RARB: variants seen among roughly 807,000 people sequenced by gnomAD.
RARB encodes the protein HBV-activated protein.
In RARB, 17 loss-of-function variants were observed where a neutral mutation model predicts 51.9. The ratio of observed to expected loss-of-function variants is 0.33; its 90% CI spans 0.22 to 0.49. RARB has a LOEUF of 0.49. Ranked by LOEUF, RARB falls within the 20% of genes least tolerant of loss-of-function variation. The probability of loss-of-function intolerance (pLI) is 0.99; values close to 1 mark genes in which losing one functional copy is unlikely to be tolerated. For missense variants in RARB, 369 were observed against 550.8 expected, an observed-to-expected ratio of 0.67 and a Z score of 3.30; for synonymous variants, 215 against 195.4, an observed-to-expected ratio of 1.10 and a Z score of -0.84.
chr3:24,845,249 G>C (rs1702472179), intron 1 of RARB, among the ~76,000 whole-genome samples: 1 of 152,172 alleles, frequency 6.6e-6, no homozygotes, highest in African/African-American at 2.4e-5. Flanking sequence ...GCTAATACTA[G>C]CTATGGTATC....
chr3:25,225,257 GTTAA>G (rs1270471959), intron 5 of RARB, among the ~76,000 whole-genome samples: 3 of 152,128 alleles, frequency 2.0e-5, no homozygotes, highest in Admixed American at 6.5e-5. Context: ...AATGTGGAAA[GTTAA>G]TTAAAGAAGA....
At chr3:25,148,103 G>T (rs1157538466) in intron 4 of RARB, among the ~76,000 whole-genome samples, 1 of 152,116 alleles carries the variant, frequency 6.6e-6, no homozygotes, top group Admixed American at 6.5e-5. Context: ...GTTACTTGTA[G>T]CCAAAAAGAG....
chr3:25,287,216 TGTCGC>T (rs1018691271), intron 5 of RARB, among the ~76,000 whole-genome samples: 112 of 152,316 alleles, frequency 7.4e-4, no homozygotes, highest in Non-Finnish European at 1.3e-3. Context: ...TGAACTCTGG[TGTCGC>T]TCCCTTTCCA....
chr3:25,277,023 T>G (rs1176046617), intron 5 of RARB, among the ~76,000 whole-genome samples: 1 of 152,056 alleles, frequency 6.6e-6, no homozygotes, highest in East Asian at 1.9e-4. Flanking sequence ...CTTGGATGAT[T>G]AAAAGAAATA....
chr3:25,501,632 C>A (rs1213342896), intron 3 of RARB, among the ~76,000 whole-genome samples: 1 of 152,156 alleles, frequency 6.6e-6, no homozygotes, highest in Non-Finnish European at 1.5e-5. Context: ...ACGGTGACTC[C>A]ATTTCCCCTA....
chr3:25,580,339 A>G (rs908028450), intron 4 of RARB, among the ~76,000 whole-genome samples: 2 of 152,178 alleles, frequency 1.3e-5, no homozygotes, highest in Non-Finnish European at 2.9e-5. Flanking sequence ...GTGCTACTGC[A>G]CTCCAGCCTG....
At chr3:25,463,612 G>T (rs542736422) in intron 2 of RARB, among the ~76,000 whole-genome samples, 5 of 151,426 alleles carry the variant, frequency 3.3e-5, no homozygotes, top group African/African-American at 1.2e-4. Flanking sequence ...GCAGTAAGCC[G>T]AGATCGCGCC....
intron 5 of RARB, among the ~76,000 whole-genome samples, chr3:25,225,277 A>G (rs931644435): frequency 2.0e-5 from 3 of 149,976 alleles, no homozygotes; most frequent in African/African-American, 4.9e-5. Flanking sequence ...GAAGACTTCA[A>G]GAAGAGGTGA....
At chr3:25,222,186 C>T (rs1701962233) in intron 5 of RARB, among the ~76,000 whole-genome samples, 2 of 152,170 alleles carry the variant, frequency 1.3e-5, no homozygotes, top group South Asian at 4.1e-4. Context: ...GTGCAGAAAG[C>T]ATCGAGGGGC....
At chr3:25,592,236 G>A (rs1416723058) in intron 5 of RARB, among the ~76,000 whole-genome samples, 2 of 152,188 alleles carry the variant, frequency 1.3e-5, no homozygotes, top group Non-Finnish European at 2.9e-5. Flanking sequence ...GATCACATCT[G>A]CCCTCCTGTA....
chr3:25,203,897 A>G (rs912175349), intron 5 of RARB, among the ~76,000 whole-genome samples: 10 of 152,050 alleles, frequency 6.6e-5, no homozygotes, highest in African/African-American at 2.2e-4. Context: ...GAATCTGACA[A>G]TTATGTGTCT....
intron 5 of RARB, among the ~76,000 whole-genome samples, chr3:25,242,135 T>A (rs1389111138): frequency 6.6e-6 from 1 of 152,136 alleles, no homozygotes; most frequent in African/African-American, 2.4e-5. Flanking sequence ...TTCATATCCT[T>A]CCCCCACTTT....
intron 5 of RARB, among the ~76,000 whole-genome samples, chr3:25,211,894 C>G (rs1471688109): frequency 1.3e-5 from 2 of 152,134 alleles, no homozygotes; most frequent in Non-Finnish European, 2.9e-5. Context: ...TTTTCTTTTT[C>G]TCTTCTTTCG....
intron 2 of RARB, among the ~76,000 whole-genome samples, chr3:24,997,292 G>A (rs1178919681): frequency 6.6e-6 from 1 of 151,564 alleles, no homozygotes; most frequent in South Asian, 2.1e-4. Context: ...GTCCATTTTG[G>A]TTTCTGTTTG....
intron 5 of RARB, among the ~76,000 whole-genome samples, chr3:25,203,498 C>T (rs1274169641): frequency 1.3e-5 from 2 of 152,124 alleles, no homozygotes; most frequent in Non-Finnish European, 2.9e-5. Context: ...TTATTTTGCT[C>T]ATTAGTTGAT....
At chr3:25,170,041 C>A (rs367554905) in intron 4 of RARB, among the ~76,000 whole-genome samples, 3 of 150,600 alleles carry the variant, frequency 2.0e-5, no homozygotes, top group Admixed American at 2.0e-4. Flanking sequence ...GAAGTACTTG[C>A]TTCTGAGGGG....
chr3:25,453,243 CTTTTTTT>C (rs758275411), intron 1 of RARB, among the ~76,000 whole-genome samples: 2 of 81,988 alleles, frequency 2.4e-5, no homozygotes, highest in East Asian at 3.6e-4. Context: ...CAAGATTCTG[CTTTTTTT>C]TTTTTTTTTT....
At chr3:24,928,382 C>T (rs879867740) in intron 2 of RARB, among the ~76,000 whole-genome samples, 16 of 151,966 alleles carry the variant, frequency 1.1e-4, no homozygotes, top group African/African-American at 3.6e-4. Context: ...AAGTAAGACA[C>T]TAGGACTTAA....
At chr3:25,316,436 A>T (rs949017357) in intron 5 of RARB, among the ~76,000 whole-genome samples, 1 of 152,214 alleles carries the variant, frequency 6.6e-6, no homozygotes, top group East Asian at 1.9e-4. Context: ...AAGCCAAGTC[A>T]TCTAGTAGGA....
Sources: allele counts gnomAD v4.1 joint callset (sites outside exome capture counted in the v4.1 genomes callset), GRCh38; gene constraint gnomAD v4.1.1; transcripts MANE v1.5; gene names NCBI Gene and HGNC (gene_info 2026-07-23, HGNC 2026-07-21).